The following KCNIP4 variants were observed in gnomAD, a reference collection of about 807,000 sequenced individuals.
KCNIP4 encodes Kv channel-interacting protein 4.
Under a neutral mutation model 34.0 loss-of-function variants are expected in KCNIP4, and 12 were observed. The ratio of observed to expected loss-of-function variants is 0.35; its 90% CI spans 0.23 to 0.57. The LOEUF (loss-of-function observed/expected upper bound fraction) is 0.57. KCNIP4 is among the 20% of genes least tolerant of loss of function. The probability of loss-of-function intolerance (pLI) is 0.83; values close to 1 mark genes in which losing one functional copy is unlikely to be tolerated. For synonymous variants in KCNIP4, 124 were observed against 102.2 expected (o/e 1.21, Z -1.29); for missense variants, 238 against 311.7 (o/e 0.76, Z 1.78).
At chr4:21,810,689 C>CAAAAAAA (rs397992521) in intron 1 of KCNIP4, among the ~76,000 whole-genome samples, 3 of 107,568 alleles carry the variant, frequency 2.8e-5, no homozygotes, top group Non-Finnish European at 3.7e-5. Flanking sequence ...GACTCCGTCT[C>CAAAAAAA]AAAAAAAAAA....
chr4:21,112,819 T>C (rs1173150565), intron 1 of KCNIP4, among the ~76,000 whole-genome samples: 1 of 152,150 alleles, frequency 6.6e-6, no homozygotes, highest in Non-Finnish European at 1.5e-5. Context: ...GTTGTTTCCA[T>C]ACTCATCTGG....
Position 21,061,293 on chromosome 4 carries a change from A to C in KCNIP4, c.62-178584T>G, listed in dbSNP as rs145674908. On this transcript the variant is annotated intron_variant, in intron 1 of 8. Transcript: ENST00000382152. ...GTCAAGAATTATTAAAGGAGATAGG[A>C]TCACATTTATTCAATGTGATAAATA... Among the ~76,000 whole-genome samples the C allele has an allele frequency of 2.0e-3, 309 of 152,276 alleles. 4 individuals carry two copies. The highest frequency in any genetic ancestry group is 7.1e-3 in the African/African-American group (295 of 41,568).
At chr4:21,657,580 T>A in intron 1 of KCNIP4, among the ~76,000 whole-genome samples, 1 of 152,326 alleles carries the variant, frequency 6.6e-6, no homozygotes. Context: ...ATTTATGAAA[T>A]TAGAATTATT....
intron 1 of KCNIP4, among the ~76,000 whole-genome samples, chr4:21,733,573 C>T (rs570955075): frequency 1.3e-5 from 2 of 152,094 alleles, no homozygotes; most frequent in Non-Finnish European, 2.9e-5. Context: ...TGGGAAATAG[C>T]AGTATAATTT....
chr4:21,877,919 C>A (rs1046982343), intron 1 of KCNIP4, among the ~76,000 whole-genome samples: 1 of 152,180 alleles, frequency 6.6e-6, no homozygotes, highest in African/African-American at 2.4e-5. Flanking sequence ...GAGCCAGAGC[C>A]TTCTCAGAAC....
chr4:21,734,651 T>C (rs1451759933), intron 1 of KCNIP4, among the ~76,000 whole-genome samples: 4 of 152,168 alleles, frequency 2.6e-5, no homozygotes, highest in Non-Finnish European at 4.4e-5. Context: ...CTTGACTCAA[T>C]TGGTAGACAA....
intron 1 of KCNIP4, among the ~76,000 whole-genome samples, chr4:21,470,612 G>A (rs1730378447): frequency 6.6e-6 from 1 of 152,146 alleles, no homozygotes; most frequent in Non-Finnish European, 1.5e-5. Context: ...ATAACCTTCT[G>A]AGTTCCAGCT....
intron 2 of KCNIP4, among the ~76,000 whole-genome samples, chr4:20,856,411 A>G (rs770878459): frequency 3.3e-5 from 5 of 152,158 alleles, no homozygotes; most frequent in Non-Finnish European, 7.3e-5. Flanking sequence ...GGATTCCCAT[A>G]CTATGCAAAA....
intron 1 of KCNIP4, among the ~76,000 whole-genome samples, chr4:21,396,349 A>G (rs1403858540): frequency 6.6e-6 from 1 of 151,804 alleles, no homozygotes; most frequent in African/African-American, 2.4e-5. Context: ...TCAGGTCAGG[A>G]GTTTGAGACC....
intron 1 of KCNIP4, among the ~76,000 whole-genome samples, chr4:21,914,570 C>G (rs1222949626): frequency 1.3e-5 from 2 of 152,134 alleles, no homozygotes; most frequent in Non-Finnish European, 2.9e-5. Flanking sequence ...TTTATCCCTT[C>G]TCTTCAGGCA....
chr4:21,029,849 T>G (rs1476462968), intron 1 of KCNIP4, among the ~76,000 whole-genome samples: 1 of 152,212 alleles, frequency 6.6e-6, no homozygotes, highest in Non-Finnish European at 1.5e-5. Context: ...AAATAATGAC[T>G]CTTTCCATTT....
At chr4:21,467,299 T>G (rs543427771) in intron 1 of KCNIP4, among the ~76,000 whole-genome samples, 1 of 152,304 alleles carries the variant, frequency 6.6e-6, no homozygotes, top group South Asian at 2.1e-4. Flanking sequence ...AAATGTAGGT[T>G]TCCTGCAGCC....
At chr4:21,710,865 T>G (rs538312755) in intron 1 of KCNIP4, among the ~76,000 whole-genome samples, 9 of 152,346 alleles carry the variant, frequency 5.9e-5, no homozygotes, top group Admixed American at 4.6e-4. Context: ...CTACTTTGAT[T>G]TATTCACCCT....
intron 1 of KCNIP4, among the ~76,000 whole-genome samples, chr4:21,487,514 T>C (rs1294380000): frequency 1.3e-5 from 2 of 152,050 alleles, no homozygotes; most frequent in Non-Finnish European, 2.9e-5. Context: ...ATCCTCCCTT[T>C]CCATAGTGCT....
At chr4:21,259,524 C>T (rs1335791425) in intron 1 of KCNIP4, among the ~76,000 whole-genome samples, 1 of 152,130 alleles carries the variant, frequency 6.6e-6, no homozygotes, top group Non-Finnish European at 1.5e-5. Context: ...TTTTCACCAG[C>T]TTCTCCAGTC....
intron 1 of KCNIP4, among the ~76,000 whole-genome samples, chr4:20,894,554 T>C (rs1186139191): frequency 1.3e-5 from 2 of 152,194 alleles, no homozygotes; most frequent in Non-Finnish European, 1.5e-5. Flanking sequence ...TATTTTCTCT[T>C]AGTATAAAAT....
chr4:21,325,556 G>C (rs1714954567), intron 1 of KCNIP4, among the ~76,000 whole-genome samples: 1 of 151,562 alleles, frequency 6.6e-6, no homozygotes, highest in African/African-American at 2.4e-5. Context: ...CAAACTTTAT[G>C]TTTCATTGAT....
chr4:20,797,148 CA>C (rs1389734190), intron 3 of KCNIP4, among the ~76,000 whole-genome samples: 8 of 152,250 alleles, frequency 5.3e-5, no homozygotes, highest in Admixed American at 5.2e-4. Flanking sequence ...TTTTTGTCTA[CA>C]TTTATATTTG....
intron 1 of KCNIP4, among the ~76,000 whole-genome samples, chr4:21,383,104 C>G (rs1370379913): frequency 1.3e-5 from 2 of 152,124 alleles, no homozygotes; most frequent in African/African-American, 4.8e-5. Flanking sequence ...TGTACACACA[C>G]AGAGAAAAGA....
Sources: allele counts gnomAD v4.1 joint callset (sites outside exome capture counted in the v4.1 genomes callset), GRCh38; gene constraint gnomAD v4.1.1; transcripts MANE v1.5; gene names NCBI Gene and HGNC (gene_info 2026-07-23, HGNC 2026-07-21).